The following LIFR variants were observed in gnomAD, a reference collection of about 807,000 sequenced individuals.
LIFR encodes the protein leukemia inhibitory factor receptor.
A neutral mutation model predicts 122.2 loss-of-function variants in LIFR; 84 were observed. The observed-to-expected ratio is 0.69, with a 90% confidence interval of 0.58 to 0.82. The LOEUF (loss-of-function observed/expected upper bound fraction) is 0.82. LIFR is among the 40% of genes least tolerant of loss of function. The pLI is 0.00. For missense variants in LIFR, 1,294 were observed against 1,311.6 expected (o/e 0.99, Z 0.21); for synonymous variants, 422 against 434.7 (o/e 0.97, Z 0.36).
At chr5:38,527,569 C>T (rs1463265082) in intron 3 of LIFR, among the ~76,000 whole-genome samples, 3 of 152,276 alleles carry the variant, frequency 2.0e-5, no homozygotes, top group Middle Eastern at 3.4e-3. Context: ...AATCCCACCT[C>T]AACCTTCCCT....
intron 11 of LIFR, among the ~76,000 whole-genome samples, chr5:38,501,885 G>A (rs534211354): frequency 6.6e-6 from 1 of 151,110 alleles, no homozygotes; most frequent in East Asian, 1.9e-4. Flanking sequence ...AACTTGACCT[G>A]GGTATACTAC....
At chr5:38,492,828 A>C (rs1445964857) in intron 14 of LIFR, among the ~76,000 whole-genome samples, 1 of 152,210 alleles carries the variant, frequency 6.6e-6, no homozygotes, top group Non-Finnish European at 1.5e-5. Flanking sequence ...TACAGGGTCC[A>C]GAAATCCCAT....
At chr5:38,568,374 A>G (rs1749097765) in intron 1 of LIFR, among the ~76,000 whole-genome samples, 1 of 152,184 alleles carries the variant, frequency 6.6e-6, no homozygotes, top group Admixed American at 6.5e-5. Context: ...CTGGGGGACC[A>G]ACAGGCACAT....
intron 14 of LIFR, 108 bp downstream of exon 14, chr5:38,493,498 T>G (rs1744707599): frequency 1.9e-6 from 2 of 1,080,726 alleles, no homozygotes; most frequent in Non-Finnish European, 2.8e-6. Context: ...TCAAACCTAT[T>G]TATACCCATC....
At chr5:38,515,801 T>C (rs1192625188) in intron 5 of LIFR, among the ~76,000 whole-genome samples, 1 of 152,144 alleles carries the variant, frequency 6.6e-6, no homozygotes, top group South Asian at 2.1e-4. Context: ...GAGCAGTGCC[T>C]GGTGAGCTCT....
At chr5:38,522,175 T>C (rs1361186483) in intron 5 of LIFR, among the ~76,000 whole-genome samples, 1 of 152,206 alleles carries the variant, frequency 6.6e-6, no homozygotes, top group East Asian at 1.9e-4. Context: ...AGCTGTAGTC[T>C]GCGCTTCACT....
At chr5:38,605,858 T>G (rs1750317699) in intron 2 of LIFR, among the ~76,000 whole-genome samples, 1 of 152,168 alleles carries the variant, frequency 6.6e-6, no homozygotes, top group Non-Finnish European at 1.5e-5. Flanking sequence ...GTCCCGCCTT[T>G]CCAGACAGAA....
chr5:38,531,294 A>G (rs1746993744), intron 1 of LIFR, among the ~76,000 whole-genome samples: 3 of 152,358 alleles, frequency 2.0e-5, no homozygotes, highest in Admixed American at 1.3e-4. Flanking sequence ...CAAGATCCTT[A>G]TGATACACTG....
Position 38,553,652 on chromosome 5 carries a change from ATATATATATATATATATATATT to A in LIFR, c.-20+2660_-20+2681del, listed in dbSNP as rs1198578127. Among the ~76,000 whole-genome samples, 51 of 102,790 alleles carry A rather than the reference ATATATATATATATATATATATT, an allele frequency of 5.0e-4. 1 individual carries two copies. The highest frequency in any genetic ancestry group is 2.1e-3 in the African/African-American group (50 of 24,128). 67.4% of individuals were successfully genotyped at this position (102,790 alleles called of 152,430 possible). On this transcript the variant is annotated intron_variant, in intron 1 of 19. Coordinates refer to ENST00000453190, the MANE Select transcript of LIFR (RefSeq NM_001127671.2). ...TATATATATATATATATATATATATATATATATATATATATATATATTATATGTATGTATATATTTTAAAAGA... is the reference window on the plus strand; with the variant it reads ...TATATATATATATATATATATATATAATATGTATGTATATATTTTAAAAGA...
chr5:38,574,321 A>G (rs927800866), intron 1 of LIFR, among the ~76,000 whole-genome samples: 1 of 151,748 alleles, frequency 6.6e-6, no homozygotes, highest in African/African-American at 2.4e-5. Flanking sequence ...TGTCACCCCA[A>G]TTCTTGGCCT....
chr5:38,576,165 T>A (rs904869763), intron 1 of LIFR, among the ~76,000 whole-genome samples: 7 of 152,122 alleles, frequency 4.6e-5, no homozygotes, highest in African/African-American at 1.7e-4. Flanking sequence ...AAGAACCAAA[T>A]TTAAAGTTGT....
At chr5:38,602,608 A>G (rs1328625394) in intron 2 of LIFR, among the ~76,000 whole-genome samples, 1 of 152,046 alleles carries the variant, frequency 6.6e-6, no homozygotes, top group African/African-American at 2.4e-5. Context: ...TTGCCGTCTA[A>G]ATTCTGAGTT....
chr5:38,487,976 T>A (rs1180848892), intron 16 of LIFR, among the ~76,000 whole-genome samples: 1 of 152,202 alleles, frequency 6.6e-6, no homozygotes, highest in Non-Finnish European at 1.5e-5. Flanking sequence ...TTTCTGAATC[T>A]TCTTTTTCAG....
At chr5:38,564,735 TACACAC>T (rs3047301) in intron 1 of LIFR, among the ~76,000 whole-genome samples, 6,942 of 137,426 alleles carry the variant, frequency 0.051, 179 homozygotes, top group Non-Finnish European at 0.058. Context: ...ACACACACAC[TACACAC>T]ACACACACAC....
chr5:38,584,864 T>TCA (rs779358199), intron 1 of LIFR, among the ~76,000 whole-genome samples: 4 of 151,974 alleles, frequency 2.6e-5, no homozygotes, highest in East Asian at 1.9e-4. Context: ...GCAGCTTTTG[T>TCA]CACACACACA....
Position 38,528,849 on chromosome 5 carries a change from G to GACACACACAC in LIFR, c.143-19_143-10dup, listed in dbSNP as rs10637374. 1.6e-5 allele frequency: 15 copies of GACACACACAC among 921,674 alleles called. No individual in the cohort carries two copies. The African/African-American group carries it at 2.4e-4, about 15-fold the overall frequency. The allele number at this position is 921,674 out of a possible 1,614,324, so 57.1% of individuals were successfully genotyped here. A position where few individuals can be genotyped will look rare whatever the true frequency, so the allele number is the denominator to read the frequency against. On this transcript the variant is annotated splice_polypyrimidine_tract_variant and intron_variant, in intron 2 of 19. Coordinates refer to ENST00000453190, the MANE Select transcript of LIFR (RefSeq NM_001127671.2). Reference sequence around the variant, plus strand: ...CAAATCATGAGGAGCCCCTGGAGGAGACACACACACACACACACACACACA... The same window carrying GACACACACAC: ...CAAATCATGAGGAGCCCCTGGAGGAGACACACACACACACACACACACACACACACACACA...
At chr5:38,508,013 T>C (rs889238049) in intron 7 of LIFR, among the ~76,000 whole-genome samples, 14 of 152,106 alleles carry the variant, frequency 9.2e-5, no homozygotes, top group Non-Finnish European at 4.4e-5. Context: ...TAAAACCACA[T>C]ACCAAAAATA....
intron 1 of LIFR, among the ~76,000 whole-genome samples, chr5:38,574,146 A>G (rs1205252742): frequency 1.3e-5 from 2 of 151,934 alleles, no homozygotes; most frequent in Non-Finnish European, 2.9e-5. Flanking sequence ...AAAAAAAGCA[A>G]TCAAGGTAAG....
At chr5:38,504,171 A>G in intron 9 of LIFR, 50 bp from the exon 10 acceptor site, 1 of 1,214,010 alleles carries the variant, frequency 8.2e-7, no homozygotes, top group Non-Finnish European at 1.2e-6. Context: ...GGGAAAAACT[A>G]TCTTCTAATA....
Sources: gnomAD v4.1 joint callset for allele counts (sites outside exome capture counted in the v4.1 genomes callset) on GRCh38, gnomAD v4.1.1 for gene constraint, MANE v1.5 for transcripts, NCBI Gene and HGNC (gene_info 2026-07-23, HGNC 2026-07-21) for gene names.